Variants in ADGRL3 observed in about 807,000 individuals in gnomAD.
The protein encoded by ADGRL3 is calcium-independent alpha-latrotoxin receptor 3.
A neutral mutation model predicts 153.5 loss-of-function variants in ADGRL3; 62 were observed. The ratio of observed to expected loss-of-function variants is 0.40; its 90% confidence interval spans 0.33 to 0.50. ADGRL3 has a LOEUF of 0.50. Ranked by LOEUF, ADGRL3 falls within the 20% of genes least tolerant of loss-of-function variation. The pLI, the probability that ADGRL3 is intolerant of heterozygous loss-of-function variation, is 0.47. For synonymous variants in ADGRL3, 710 were observed against 672.5 expected, an observed-to-expected ratio of 1.06 and a Z score of -0.86; for missense variants, 1,641 against 1,859.4, an observed-to-expected ratio of 0.88 and a Z score of 2.16.
chr4:61,455,946 G>C (rs1454932325), intron 2 of ADGRL3, among the ~76,000 whole-genome samples: 1 of 151,856 alleles, frequency 6.6e-6, no homozygotes, highest in African/African-American at 2.4e-5. Flanking sequence ...CTCCCAAGTA[G>C]CTGGGATTAC....
chr4:62,076,977 A>G lies in ADGRL3; in HGVS notation c.*6069A>G, dbSNP rs1415121514. On this transcript the variant is annotated 3_prime_UTR_variant, in exon 27 of 27. Transcript: ENST00000683033. ...ACTATAGAATAATTTATTATTATAT[A>G]TATGAATATTACATTGAGACTGAAC... is the stretch of plus-strand genomic sequence containing the variant. 2 of 151,614 alleles carry G rather than the reference A, an allele frequency of 1.3e-5. No individual in the cohort carries two copies. The highest frequency in any genetic ancestry group is 4.8e-5 in the African/African-American group (2 of 41,396). The allele number at this position is 151,614 out of a possible 1,614,324, so 9.4% of individuals were successfully genotyped here. A position where few individuals can be genotyped will look rare whatever the true frequency, so the allele number is the denominator to read the frequency against.
intron 1 of ADGRL3, among the ~76,000 whole-genome samples, chr4:61,241,312 A>G (rs1471918150): frequency 1.3e-5 from 2 of 152,036 alleles, no homozygotes; most frequent in Non-Finnish European, 2.9e-5. Context: ...GTAAGGTCAC[A>G]GTTTTGAAAG....
chr4:61,892,975 G>C lies in ADGRL3; in HGVS notation c.1783+17G>C, dbSNP rs1361415348. 2.0e-6 allele frequency: 3 copies of C among 1,471,042 alleles called. No homozygotes were observed. The highest frequency in any genetic ancestry group is 2.0e-4 in the Middle Eastern group (1 of 4,946). 91.1% of individuals were successfully genotyped at this position (1,471,042 alleles called of 1,614,324 possible). A position where few individuals can be genotyped will look rare whatever the true frequency, so the allele number is the denominator to read the frequency against. ...GAACTATAGGTAAGTCTGTGCTAAA[G>C]CACTAAGTTAAAACTGTTGTGTTGC... On this transcript the variant is annotated intron_variant, in intron 10 of 26. Transcript: ENST00000683033.
At chr4:61,404,523 T>C (rs2096969171) in intron 2 of ADGRL3, among the ~76,000 whole-genome samples, 1 of 152,078 alleles carries the variant, frequency 6.6e-6, no homozygotes, top group African/African-American at 2.4e-5. Flanking sequence ...TGAAAAAGCA[T>C]AGAATCATGT....
intron 1 of ADGRL3, among the ~76,000 whole-genome samples, chr4:61,220,665 A>C (rs970400467): frequency 2.0e-5 from 3 of 152,082 alleles, no homozygotes; most frequent in Non-Finnish European, 4.4e-5. Flanking sequence ...TGCTCTTTTT[A>C]CAAGATTGAC....
intron 5 of ADGRL3, among the ~76,000 whole-genome samples, chr4:61,605,580 A>G (rs2099029422): frequency 1.3e-5 from 2 of 152,228 alleles, no homozygotes; most frequent in South Asian, 4.1e-4. Context: ...ATGTGTGAGT[A>G]GTTATAGTCT....
At chr4:62,033,782 A>T (rs1207257365) in intron 23 of ADGRL3, among the ~76,000 whole-genome samples, 1 of 151,758 alleles carries the variant, frequency 6.6e-6, no homozygotes, top group African/African-American at 2.4e-5. Flanking sequence ...GGAAATTTGG[A>T]CCAACATAAT....
chr4:61,253,366 C>G (rs1156903910), intron 1 of ADGRL3, among the ~76,000 whole-genome samples: 1 of 152,146 alleles, frequency 6.6e-6, no homozygotes, highest in East Asian at 1.9e-4. Flanking sequence ...GTAGGACATT[C>G]ATTACCAGAC....
intron 2 of ADGRL3, among the ~76,000 whole-genome samples, chr4:61,416,033 C>T (rs2097141128): frequency 6.6e-6 from 1 of 151,948 alleles, no homozygotes; most frequent in African/African-American, 2.4e-5. Flanking sequence ...AAACATTCAC[C>T]TAGTTTCTCT....
intron 3 of ADGRL3, 117 bp from the exon 4 acceptor site, chr4:61,517,198 G>A (rs138498081): frequency 0.015 from 9,478 of 637,616 alleles, 519 homozygotes; most frequent in Admixed American, 0.13. Context: ...GGTGGCTGGA[G>A]TCTTGGGCCT....
At chr4:61,224,044 A>T (rs573545994) in intron 1 of ADGRL3, among the ~76,000 whole-genome samples, 2 of 152,162 alleles carry the variant, frequency 1.3e-5, no homozygotes, top group Admixed American at 6.5e-5. Flanking sequence ...ATTAAATTTT[A>T]AAAAATTGTT....
At chr4:61,853,973 A>G (rs1006602316) in intron 9 of ADGRL3, among the ~76,000 whole-genome samples, 3 of 152,186 alleles carry the variant, frequency 2.0e-5, no homozygotes, top group Admixed American at 2.0e-4. Flanking sequence ...TCTGGTAATT[A>G]TGGATGTTGA....
intron 1 of ADGRL3, among the ~76,000 whole-genome samples, chr4:61,380,168 T>C (rs2151883599): frequency 6.6e-6 from 1 of 152,158 alleles, no homozygotes; most frequent in Middle Eastern, 3.4e-3. Context: ...TATGTATATG[T>C]ATATGTATAG....
chr4:61,366,811 T>C (rs2096406630), intron 1 of ADGRL3, among the ~76,000 whole-genome samples: 1 of 152,198 alleles, frequency 6.6e-6, no homozygotes, highest in African/African-American at 2.4e-5. Flanking sequence ...TTTACTGTTA[T>C]TCATATACCT....
At chr4:61,234,024 A>G (rs779163583) in intron 1 of ADGRL3, among the ~76,000 whole-genome samples, 13 of 152,126 alleles carry the variant, frequency 8.5e-5, no homozygotes, top group South Asian at 2.1e-4. Context: ...ATTATTTTCA[A>G]TGTAGGACAT....
At chr4:62,007,437 TATACAC>T (rs2099164986) in intron 21 of ADGRL3, among the ~76,000 whole-genome samples, 3 of 130,058 alleles carry the variant, frequency 2.3e-5, no homozygotes, top group African/African-American at 3.1e-5. Flanking sequence ...TATATATATA[TATACAC>T]ACACATATAT....
At chr4:61,429,636 T>G (rs2152403226) in intron 2 of ADGRL3, among the ~76,000 whole-genome samples, 1 of 152,266 alleles carries the variant, frequency 6.6e-6, no homozygotes, top group African/African-American at 2.4e-5. Context: ...TTCATGTACA[T>G]AATTGTAAAA....
chr4:61,845,449 C>G (rs2098104497), intron 9 of ADGRL3, among the ~76,000 whole-genome samples: 1 of 151,978 alleles, frequency 6.6e-6, no homozygotes, highest in South Asian at 2.1e-4. Context: ...CTCCTGGGCT[C>G]AAGCCATCCT....
intron 1 of ADGRL3, among the ~76,000 whole-genome samples, chr4:61,270,134 A>G (rs924851947): frequency 1.3e-5 from 2 of 151,850 alleles, no homozygotes; most frequent in East Asian, 1.9e-4. Flanking sequence ...AATACAATAC[A>G]TAATGATTTA....
Sources: allele counts gnomAD v4.1 joint callset (sites outside exome capture counted in the v4.1 genomes callset), GRCh38; gene constraint gnomAD v4.1.1; transcripts MANE v1.5; gene names NCBI Gene and HGNC (gene_info 2026-07-23, HGNC 2026-07-21).